The following CD302 variants were observed in gnomAD, a reference collection of about 807,000 sequenced individuals.
CD302 encodes the protein CD302 antigen.
Under a neutral mutation model 26.5 loss-of-function variants are expected in CD302, and 23 were observed. The ratio of observed to expected loss-of-function variants is 0.87; its 90% CI spans 0.62 to 1.23. The LOEUF is 1.23. Among genes scored for constraint, CD302 ranks in the 50% most tolerant of loss-of-function variants. CD302 has a pLI of 0.00. For missense variants in CD302, 290 were observed against 275.5 expected (o/e 1.05, Z -0.37); for synonymous variants, 90 against 99.4 (o/e 0.91, Z 0.56).
intron 1 of CD302, among the ~76,000 whole-genome samples, chr2:159,786,651 A>C (rs1053358733): frequency 2.6e-5 from 4 of 152,168 alleles, no homozygotes; most frequent in African/African-American, 9.7e-5. Flanking sequence ...TTACATACTA[A>C]AATATAACTG....
chr2:159,780,514 G>T (rs1033950477), intron 3 of CD302, among the ~76,000 whole-genome samples: 1 of 152,022 alleles, frequency 6.6e-6, no homozygotes, highest in Admixed American at 6.6e-5. Flanking sequence ...TTTTATATTT[G>T]TACATATGTA....
At chr2:159,791,296 C>T (rs183055550) in intron 1 of CD302, among the ~76,000 whole-genome samples, 36 of 152,336 alleles carry the variant, frequency 2.4e-4, no homozygotes, top group African/African-American at 7.7e-4. Context: ...ATAGGCTTAG[C>T]GTTCATATAC....
intron 1 of CD302, among the ~76,000 whole-genome samples, chr2:159,788,283 G>A (rs1254690976): frequency 6.6e-6 from 1 of 152,162 alleles, no homozygotes; most frequent in Non-Finnish European, 1.5e-5. Context: ...GTTCCCATGA[G>A]GTTATAATAC....
chr2:159,788,896 T>C (rs1193131070), intron 1 of CD302, among the ~76,000 whole-genome samples: 2 of 152,252 alleles, frequency 1.3e-5, no homozygotes, highest in African/African-American at 4.8e-5. Flanking sequence ...TTAGACTTTT[T>C]ACCATGTCCT....
intron 1 of CD302, among the ~76,000 whole-genome samples, chr2:159,788,186 G>A (rs1386477661): frequency 7.2e-6 from 1 of 138,986 alleles, no homozygotes; most frequent in Non-Finnish European, 1.5e-5. Context: ...CAGAATTGTA[G>A]AATGGCAGCT....
At chr2:159,786,307 CCTT>C (rs1346472026) in intron 1 of CD302, among the ~76,000 whole-genome samples, 1 of 150,454 alleles carries the variant, frequency 6.6e-6, no homozygotes, top group African/African-American at 2.4e-5. Context: ...TTCAACCTTT[CCTT>C]CTTGAAGCAT....
At position 159,769,295 on chromosome 2, in the gene CD302, A is replaced by C. The variant is rs1005390371; in HGVS notation, c.*2556T>G. ...ACAAGCCTGCCTGTGTAATCCAATTATCTCTTCACTAATGAGTAGATAAGG... is the reference window on the plus strand; with the variant it reads ...ACAAGCCTGCCTGTGTAATCCAATTCTCTCTTCACTAATGAGTAGATAAGG... On this transcript the variant is annotated 3_prime_UTR_variant, in exon 6 of 6. Coordinates refer to ENST00000259053, the MANE Select transcript of CD302 (RefSeq NM_014880.5). 1 of 152,222 alleles carries C rather than the reference A, an allele frequency of 6.6e-6. No homozygotes were observed. Among genetic ancestry groups the C allele is most frequent in the African/African-American group, 2.4e-5 (1 of 41,444 alleles). 9.4% of individuals were successfully genotyped at this position (152,222 alleles called of 1,614,324 possible).
rs563311834 is a variant in CD302, at chr2:159,783,333, C to A, written c.178+26G>T. 4.6e-6 allele frequency: 7 copies of A among 1,534,394 alleles called. No homozygotes were observed. The East Asian group carries it at 1.2e-4, about 25-fold the overall frequency. On this transcript the variant is annotated intron_variant, in intron 2 of 5. Transcript: ENST00000259053. The stretch of plus-strand genomic sequence containing the variant: ...CACTGTTCACTAATTTGTGAAAAAA[C>A]AAACAGAAAAGAATAAGCCTTTTAC...
intron 1 of CD302, among the ~76,000 whole-genome samples, chr2:159,785,303 T>C (rs1037898256): frequency 6.6e-6 from 1 of 152,108 alleles, no homozygotes; most frequent in Non-Finnish European, 1.5e-5. Context: ...CAAATTTTTT[T>C]TCCTTCCAGC....
chr2:159,780,269 A>G, intron 3 of CD302, 91 bp from the exon 4 acceptor site: 1 of 1,396,088 alleles, frequency 7.2e-7, no homozygotes. Flanking sequence ...AAAGTTACTA[A>G]GGTATGTCTG....
At chr2:159,784,924 C>T (rs1296070881) in intron 1 of CD302, among the ~76,000 whole-genome samples, 1 of 150,018 alleles carries the variant, frequency 6.7e-6, no homozygotes, top group African/African-American at 2.5e-5. Context: ...TTCAACATAG[C>T]GGTCTTGCCT....
At position 159,768,988 on chromosome 2, in the gene CD302, ATTC is replaced by A. The variant is rs1282884071; in HGVS notation, c.*2860_*2862del. The A allele has an allele frequency of 6.6e-6, 1 of 152,210 alleles. No individual in the cohort carries two copies. The highest frequency in any genetic ancestry group is 2.4e-5 in the African/African-American group (1 of 41,450). 9.4% of individuals were successfully genotyped at this position (152,210 alleles called of 1,614,324 possible). A position where few individuals can be genotyped will look rare whatever the true frequency, so the allele number is the denominator to read the frequency against. On this transcript the variant is annotated 3_prime_UTR_variant, in exon 6 of 6. Coordinates refer to ENST00000259053, the MANE Select transcript of CD302 (RefSeq NM_014880.5). Reference sequence around the variant, plus strand: ...ATAACAATGGCTTAAGCTTTACAGTATTCTTGTAGTTCCCTAGTACCACTTAGT... The same window carrying A: ...ATAACAATGGCTTAAGCTTTACAGTATTGTAGTTCCCTAGTACCACTTAGT...
intron 1 of CD302, among the ~76,000 whole-genome samples, chr2:159,788,583 G>A (rs1708728110): frequency 6.6e-6 from 1 of 152,130 alleles, no homozygotes; most frequent in South Asian, 2.1e-4. Context: ...TTGTTGCTTG[G>A]GCTTCCATCA....
At chr2:159,796,664 G>T (rs1369503940) in intron 1 of CD302, among the ~76,000 whole-genome samples, 1 of 152,124 alleles carries the variant, frequency 6.6e-6, no homozygotes, top group Admixed American at 6.5e-5. Context: ...CTTTTCTAAA[G>T]CTCTTGAAAA....
rs112102793 is a variant in CD302, at chr2:159,771,813, G to A, written c.*38C>T. On this transcript the variant is annotated 3_prime_UTR_variant, in exon 6 of 6. Coordinates refer to ENST00000259053, the MANE Select transcript of CD302 (RefSeq NM_014880.5). ...TCTTTCCCAAGTTATCTCTGCCAGG[G>A]CATTTTGTTGATGTCTTAGTGCAAG... The A allele has an allele frequency of 7.5e-6, 12 of 1,600,912 alleles. No individual in the cohort carries two copies. The African/African-American group carries it at 8.0e-5, about 11-fold the overall frequency.
intron 1 of CD302, among the ~76,000 whole-genome samples, chr2:159,794,305 TAA>T (rs10656353): frequency 2.3e-4 from 25 of 108,410 alleles, no homozygotes; most frequent in African/African-American, 7.3e-4. Flanking sequence ...AATAAAATAA[TAA>T]AAAAAAAAAC....
intron 3 of CD302, 67 bp downstream of exon 3, chr2:159,780,815 G>A (rs1277868872): frequency 7.1e-7 from 1 of 1,404,574 alleles, no homozygotes; most frequent in East Asian, 2.3e-5. Context: ...GAATTGAAAA[G>A]CCATCAGTTT....
chr2:159,784,458 G>C (rs1708612688), intron 1 of CD302, among the ~76,000 whole-genome samples: 1 of 148,218 alleles, frequency 6.7e-6, no homozygotes, highest in African/African-American at 2.5e-5. Flanking sequence ...TGGGCTCAAG[G>C]GATCCTCCCA....
In CD302 at chr2:159,783,436, T is replaced by C. The variant is rs1185202623; in HGVS notation, c.101A>G (p.Asp34Gly). The C allele has an allele frequency of 4.3e-6, 7 of 1,611,742 alleles. No homozygotes were observed. In the East Asian group the frequency reaches 1.3e-4, roughly 31 times the overall value. ...TTCTTGGAGAAAAATGTAACAACTG[T>C]CTTGGAACTGAATCCAAGTAGATGA... ...CPSSTWIQFQ[D>G]SCYIFLQEAI... Residue 34 changes from aspartate (D) to glycine (G), a missense_variant, in exon 2 of 6, where the codon GAC (aspartate) becomes GGC (glycine). Transcript: ENST00000259053.
Sources: allele counts gnomAD v4.1 joint callset (sites outside exome capture counted in the v4.1 genomes callset), GRCh38; gene constraint gnomAD v4.1.1; transcripts MANE v1.5; gene names NCBI Gene and HGNC (gene_info 2026-07-23, HGNC 2026-07-21).